The following VAV3 variants were observed in gnomAD, a reference collection of about 807,000 sequenced individuals.
The protein encoded by VAV3 is guanine nucleotide exchange factor VAV3.
Under a neutral mutation model 131.2 loss-of-function variants are expected in VAV3, and 94 were observed. The ratio of observed to expected loss-of-function variants is 0.72; its 90% CI spans 0.61 to 0.85. The LOEUF is 0.85. VAV3 is among the 40% of genes least tolerant of loss of function. The probability of loss-of-function intolerance (pLI) is 0.00; values close to 1 mark genes in which losing one functional copy is unlikely to be tolerated. For synonymous variants in VAV3, 349 were observed against 342.0 expected, an observed-to-expected ratio of 1.02 and a Z score of -0.22; for missense variants, 939 against 1,002.7, an observed-to-expected ratio of 0.94 and a Z score of 0.86.
At chr1:107,819,260 T>C (rs926669947) in intron 2 of VAV3, among the ~76,000 whole-genome samples, 1 of 152,100 alleles carries the variant, frequency 6.6e-6, no homozygotes, top group Non-Finnish European at 1.5e-5. Flanking sequence ...TAAATACATA[T>C]ATATTCAGCT....
chr1:107,795,418 T>C (rs1293078159), intron 2 of VAV3, among the ~76,000 whole-genome samples: 1 of 152,232 alleles, frequency 6.6e-6, no homozygotes, highest in Admixed American at 6.5e-5. Context: ...ATCTACCTTA[T>C]ATTGGCTTCT....
At chr1:107,581,868 C>T (rs112648831) in intron 25 of VAV3, among the ~76,000 whole-genome samples, 1,533 of 152,324 alleles carry the variant, frequency 0.01, 17 homozygotes, top group South Asian at 0.033. Flanking sequence ...CGACACTCTT[C>T]GTTCAGGTAC....
chr1:107,757,285 C>T lies in VAV3; in HGVS notation c.1062G>A (p.Leu354=). 1 of 1,613,436 alleles carries T rather than the reference C, an allele frequency of 6.2e-7. No homozygotes were observed. The highest frequency in any genetic ancestry group is 1.1e-5 in the South Asian group (1 of 90,996). The part of the protein sequence containing the change: ...HTTDPTEKAN[L]KLALDAMKDL... The stretch of plus-strand genomic sequence containing the variant: ...CCTTCATGGCATCAAGAGCCAGTTT[C>T]AGATTTGCCTTCTCAGTCGGATCAG... The change falls in exon 11 of 27, where the codon CTG becomes CTA. Residue 354 remains leucine, a synonymous_variant. Transcript: ENST00000370056.
chr1:107,681,906 G>C (rs10881477), intron 19 of VAV3, among the ~76,000 whole-genome samples: 132,869 of 152,128 alleles, frequency 0.87, 58,063 homozygotes, highest in Middle Eastern at 0.94. Context: ...GTGATCCGCC[G>C]GCCTTGACCT....
intron 2 of VAV3, among the ~76,000 whole-genome samples, chr1:107,802,992 CTT>C (rs1260141479): frequency 6.6e-6 from 1 of 151,124 alleles, no homozygotes; most frequent in African/African-American, 2.4e-5. Context: ...TAATGAGAGA[CTT>C]TTTATTACGG....
At chr1:107,885,264 T>C (rs911536644) in intron 1 of VAV3, among the ~76,000 whole-genome samples, 108 of 152,226 alleles carry the variant, frequency 7.1e-4, no homozygotes, top group South Asian at 1.5e-3. Context: ...TTATTTTTTA[T>C]TTTTATTTTT....
rs572617716 is a variant in VAV3 at position 107,921,932 on chromosome 1, T to C, written c.204+42734A>G. Reference sequence around the variant, plus strand: ...TAGTTCATGGAGGATAACCTTAACCTAGTTATTTAATGTCTTCTCAGCTTT... The same window carrying C: ...TAGTTCATGGAGGATAACCTTAACCCAGTTATTTAATGTCTTCTCAGCTTT... On this transcript the variant is annotated intron_variant, in intron 1 of 26. Coordinates refer to ENST00000370056, the MANE Select transcript of VAV3 (RefSeq NM_006113.5). 3.3e-5 allele frequency among the ~76,000 whole-genome samples: 5 copies of C among 152,346 alleles called. No individual in the cohort carries two copies. The East Asian group carries it at 9.6e-4, about 29-fold the overall frequency.
Position 107,765,118 on chromosome 1 carries a change from G to A in VAV3, c.879C>T (p.Asp293=). The change falls in exon 9 of 27, where the codon GAC becomes GAT. Residue 293 remains aspartate (D), a synonymous_variant. Coordinates refer to ENST00000370056, the MANE Select transcript of VAV3 (RefSeq NM_006113.5). ...SGVESAISSL[D]YISKTKEDVK... is the part of the protein sequence containing the mutation. ...CATCTTCTTTTGTCTTAGAAATGTA[G>A]TCTAAACTAGAGATGGCTGACTCCA... is the stretch of plus-strand genomic sequence containing the variant. 6.2e-7 allele frequency: 1 copy of A among 1,613,464 alleles called. No homozygotes were observed. Among genetic ancestry groups the A allele is most frequent in the Non-Finnish European group, 8.5e-7 (1 of 1,179,582 alleles).
intron 2 of VAV3, among the ~76,000 whole-genome samples, chr1:107,834,107 T>C (rs1192052768): frequency 6.6e-6 from 1 of 152,242 alleles, no homozygotes; most frequent in Non-Finnish European, 1.5e-5. Context: ...AACAATTTGC[T>C]GTAAATAATT....
At chr1:107,743,955 G>T (rs1384393871) in intron 15 of VAV3, among the ~76,000 whole-genome samples, 1 of 152,194 alleles carries the variant, frequency 6.6e-6, no homozygotes, top group Admixed American at 6.5e-5. Flanking sequence ...CCTTCTGGAA[G>T]TAGATGGGGA....
At chr1:107,641,562 G>C (rs1655340630) in intron 20 of VAV3, among the ~76,000 whole-genome samples, 1 of 152,014 alleles carries the variant, frequency 6.6e-6, no homozygotes, top group Non-Finnish European at 1.5e-5. Context: ...CAAATAAAAA[G>C]GTCCACCGGC....
rs1413407048 is a variant in VAV3, at chr1:107,617,649, A to T, written c.1915-17T>A. ...ATTTCTGCCCTAAGGAAAAAAAAAAAATGCCAGTGTTGAGAACAAATTTAC... is the reference window on the plus strand; with the variant it reads ...ATTTCTGCCCTAAGGAAAAAAAAAATATGCCAGTGTTGAGAACAAATTTAC... On this transcript the variant is annotated splice_polypyrimidine_tract_variant and intron_variant, in intron 20 of 26. Transcript: ENST00000370056. 6.2e-7 allele frequency: 1 copy of T among 1,608,156 alleles called. No homozygotes were observed. The highest frequency in any genetic ancestry group is 8.5e-7 in the Non-Finnish European group (1 of 1,175,786).
intron 1 of VAV3, among the ~76,000 whole-genome samples, chr1:107,926,424 CA>C (rs1168981732): frequency 2.0e-5 from 3 of 152,178 alleles, no homozygotes; most frequent in Non-Finnish European, 4.4e-5. Flanking sequence ...TTGTCTCCTT[CA>C]AAGACACCAA....
chr1:107,580,026 C>T (rs1441462052), intron 25 of VAV3, among the ~76,000 whole-genome samples: 1 of 152,216 alleles, frequency 6.6e-6, no homozygotes, highest in East Asian at 1.9e-4. Context: ...TTTGACCTTT[C>T]CTAGCCCTCT....
rs370269434 is a variant in VAV3 at position 107,923,594 on chromosome 1, G to C, written c.204+41072C>G. Among the ~76,000 whole-genome samples, 8 of 152,276 alleles carry C rather than the reference G, an allele frequency of 5.3e-5. No individual in the cohort carries two copies. The East Asian group carries it at 1.5e-3, about 29-fold the overall frequency. ...GCCTCAGGAAACTTACAATCATGGA[G>C]GAAGGTGAAGGGAAAGCAAAAACCT... On this transcript the variant is annotated intron_variant, in intron 1 of 26. Transcript: ENST00000370056.
chr1:107,642,728 T>C lies in VAV3; in HGVS notation c.1805A>G (p.Asn602Ser), dbSNP rs149049672. 4 of 1,613,308 alleles carry C rather than the reference T, an allele frequency of 2.5e-6. No homozygotes were observed. In the African/African-American group the frequency reaches 4.0e-5, roughly 16 times the overall value. Reference protein sequence around the residue: ...PGLPKMQVIRNYSGTPPPALH... With the variant: ...PGLPKMQVIRSYSGTPPPALH... ...AGCTGGGGGTGGTGTTCCAGAATAG[T>C]TCCTAATGACCTGCATCTTTGGTAA... The change falls in exon 20 of 27, where the codon AAC becomes AGC. Residue 602 changes from asparagine to serine, a missense_variant. Transcript: ENST00000370056.
intron 1 of VAV3, among the ~76,000 whole-genome samples, chr1:107,917,999 G>A (rs989908035): frequency 3.2e-4 from 49 of 152,298 alleles, no homozygotes; most frequent in African/African-American, 1.1e-3. Context: ...TAGAATAACA[G>A]TTAATTATTT....
At chr1:107,626,067 C>A (rs550953086) in intron 20 of VAV3, among the ~76,000 whole-genome samples, 4 of 152,126 alleles carry the variant, frequency 2.6e-5, no homozygotes, top group African/African-American at 4.8e-5. Flanking sequence ...ACTTAGATGG[C>A]ACTGTCCTCA....
intron 1 of VAV3, among the ~76,000 whole-genome samples, chr1:107,928,602 TAAA>T (rs1269077114): frequency 6.6e-6 from 1 of 152,206 alleles, no homozygotes; most frequent in Non-Finnish European, 1.5e-5. Flanking sequence ...TTATGAAGTT[TAAA>T]AATGCAATGA....
Sources: allele counts gnomAD v4.1 joint callset (sites outside exome capture counted in the v4.1 genomes callset), GRCh38; gene constraint gnomAD v4.1.1; transcripts MANE v1.5; gene names NCBI Gene and HGNC (gene_info 2026-07-23, HGNC 2026-07-21).